The following IFT74 variants were observed in gnomAD, a reference collection of about 807,000 sequenced individuals.
The protein encoded by IFT74 is intraflagellar transport 74, also known as intraflagellar transport protein 74 homolog.
A neutral mutation model predicts 96.7 loss-of-function variants in IFT74; 92 were observed. That is an observed-to-expected ratio of 0.95 (90% CI 0.80 to 1.13). The LOEUF (loss-of-function observed/expected upper bound fraction) is 1.13, where lower values mean the gene tolerates loss of function less well. Ranked by LOEUF, IFT74 falls within the 50% of genes most tolerant of loss-of-function variation. IFT74 has a pLI of 0.00. For missense variants in IFT74, 811 were observed against 698.2 expected, an observed-to-expected ratio of 1.16 and a Z score of -1.82; for synonymous variants, 223 against 213.2, an observed-to-expected ratio of 1.05 and a Z score of -0.40.
intron 2 of IFT74, among the ~76,000 whole-genome samples, chr9:26,963,730 T>C (rs1826476432): frequency 6.6e-6 from 1 of 152,238 alleles, no homozygotes; most frequent in Non-Finnish European, 1.5e-5. Context: ...CATTGTTTCA[T>C]GTGTTTTTTG....
chr9:27,039,533 TAAAATA>T (rs962600445), intron 13 of IFT74, among the ~76,000 whole-genome samples: 6 of 152,152 alleles, frequency 3.9e-5, no homozygotes, highest in African/African-American at 1.4e-4. Context: ...TTTCTATTTT[TAAAATA>T]AAAATAAAAC....
At chr9:27,050,707 GGGGGACATCACACACC>G (rs1819882766) in intron 16 of IFT74, among the ~76,000 whole-genome samples, 1 of 145,470 alleles carries the variant, frequency 6.9e-6, no homozygotes, top group Non-Finnish European at 1.5e-5. Flanking sequence ...GACACAGGAA[GGGGGACATCACACACC>G]GGGGCCTGTT....
At position 26,980,637 on chromosome 9, in the gene IFT74, T is replaced by A; in HGVS notation, c.305+18T>A. 1 of 1,517,572 alleles carries A rather than the reference T, an allele frequency of 6.6e-7. No individual in the cohort carries two copies. The highest frequency in any genetic ancestry group is 9.1e-7 in the Non-Finnish European group (1 of 1,096,118). The allele number at this position is 1,517,572 out of a possible 1,614,324, so 94.0% of individuals were successfully genotyped here. ...CTTCTTAGGTATGTTAAACATATCT[T>A]TTCATCCGTATGTTTTACTCGAAAT... On this transcript the variant is annotated intron_variant, in intron 4 of 19. Coordinates refer to ENST00000380062, the MANE Select transcript of IFT74 (RefSeq NM_025103.4).
At chr9:27,046,929 C>G (rs1042471590) in intron 14 of IFT74, among the ~76,000 whole-genome samples, 3 of 152,156 alleles carry the variant, frequency 2.0e-5, no homozygotes, top group African/African-American at 7.2e-5. Flanking sequence ...AATCCCAGCA[C>G]TTTGGGAGGC....
At chr9:27,058,319 C>A (rs1820264639) in intron 18 of IFT74, among the ~76,000 whole-genome samples, 1 of 152,100 alleles carries the variant, frequency 6.6e-6, no homozygotes, top group Admixed American at 6.5e-5. Flanking sequence ...GAACTCCTGG[C>A]CTCAAACTGT....
At chr9:27,018,213 A>G (rs1829437541) in intron 11 of IFT74, among the ~76,000 whole-genome samples, 1 of 152,248 alleles carries the variant, frequency 6.6e-6, no homozygotes, top group East Asian at 1.9e-4. Flanking sequence ...CTTGTCAATG[A>G]TATGGATATT....
intron 8 of IFT74, among the ~76,000 whole-genome samples, chr9:26,992,442 C>G (rs1827928155): frequency 6.6e-6 from 1 of 152,040 alleles, no homozygotes; most frequent in South Asian, 2.1e-4. Flanking sequence ...CCTGTAATCC[C>G]AGCACTTTTG....
At chr9:26,947,193 G>T in intron 1 of IFT74, 2 of 961,100 alleles carry the variant, frequency 2.1e-6, no homozygotes, top group Non-Finnish European at 2.9e-6. Flanking sequence ...CGGTACGGAA[G>T]GGCGGCTGGG....
exon 1 of IFT74, chr9:26,947,115 G>A: frequency 7.1e-7 from 1 of 1,398,802 alleles, no homozygotes. Flanking sequence ...GACTCGGAGA[G>A]CGCCGGGCCG....
intron 12 of IFT74, among the ~76,000 whole-genome samples, chr9:27,023,639 C>T (rs529454261): frequency 2.4e-4 from 36 of 152,048 alleles, no homozygotes; most frequent in African/African-American, 7.5e-4. Flanking sequence ...ATGTTCATTC[C>T]TGGTTTTGGT....
intron 2 of IFT74, among the ~76,000 whole-genome samples, chr9:26,974,797 A>T (rs1019698899): frequency 5.3e-5 from 8 of 152,066 alleles, no homozygotes; most frequent in Admixed American, 1.3e-4. Flanking sequence ...TTAATCAGCC[A>T]CCCCATAAGG....
chr9:27,025,608 A>G (rs572865301), intron 12 of IFT74, among the ~76,000 whole-genome samples: 32 of 152,302 alleles, frequency 2.1e-4, no homozygotes, highest in Non-Finnish European at 4.3e-4. Context: ...CAGGTAACCT[A>G]TAAAGGAAAA....
intron 16 of IFT74, among the ~76,000 whole-genome samples, chr9:27,050,093 C>A (rs1321065147): frequency 6.6e-6 from 1 of 152,090 alleles, no homozygotes; most frequent in Non-Finnish European, 1.5e-5. Context: ...GTCTCACTCT[C>A]ATTGCCCAGG....
intron 8 of IFT74, among the ~76,000 whole-genome samples, chr9:27,006,576 G>A (rs924890423): frequency 6.6e-6 from 1 of 150,692 alleles, no homozygotes; most frequent in African/African-American, 2.4e-5. Context: ...TAGTCTGGGT[G>A]ACAAGTGGTA....
intron 2 of IFT74, among the ~76,000 whole-genome samples, chr9:26,972,429 C>T (rs1193115662): frequency 2.0e-5 from 3 of 152,160 alleles, no homozygotes; most frequent in East Asian, 1.9e-4. Context: ...AGGAAGGCCA[C>T]GGGCTGCCGG....
intron 19 of IFT74, 152 bp from the exon 20 acceptor site, chr9:27,062,466 T>C (rs1820468700): frequency 7.7e-6 from 4 of 518,026 alleles, no homozygotes; most frequent in Non-Finnish European, 1.4e-5. Flanking sequence ...AATTGATGCT[T>C]AATCTGTTAA....
rs1348098757 is a variant in IFT74, at chr9:27,056,280, A to G, written c.1498-54A>G. On this transcript the variant is annotated intron_variant, in intron 17 of 19. Transcript: ENST00000380062. ...TGAAATTAAGTTAAATATGATTTAT[A>G]TTGGCTTACTACATATTTTCTATAA... 8 of 1,312,260 alleles carry G rather than the reference A, an allele frequency of 6.1e-6. No individual in the cohort carries two copies. In the South Asian group the frequency reaches 6.6e-5, roughly 11 times the overall value. The allele number at this position is 1,312,260 out of a possible 1,614,324, so 81.3% of individuals were successfully genotyped here.
chr9:26,953,084 C>T (rs940910236), upstream of IFT74, among the ~76,000 whole-genome samples: 3 of 152,110 alleles, frequency 2.0e-5, no homozygotes, highest in Non-Finnish European at 4.4e-5. Flanking sequence ...TTCATCTATA[C>T]AGTTAGGAGT....
At chr9:27,043,768 C>T (rs1819575674) in intron 13 of IFT74, among the ~76,000 whole-genome samples, 2 of 152,198 alleles carry the variant, frequency 1.3e-5, no homozygotes, top group Non-Finnish European at 2.9e-5. Context: ...TTAACCCTCA[C>T]CAAGCCAATC....
Sources: allele counts gnomAD v4.1 joint callset (sites outside exome capture counted in the v4.1 genomes callset), GRCh38; gene constraint gnomAD v4.1.1; transcripts MANE v1.5; gene names NCBI Gene and HGNC (gene_info 2026-07-23, HGNC 2026-07-21).